Variants in RAB22A observed in about 807,000 individuals in gnomAD.
RAB22A encodes the protein RAB22A, member RAS oncogene family, also known as ras-related protein Rab-22A.
Under a neutral mutation model 30.2 loss-of-function variants are expected in RAB22A, and 13 were observed. The ratio of observed to expected loss-of-function variants is 0.43; its 90% CI spans 0.28 to 0.68. RAB22A has a LOEUF of 0.68. Ranked by LOEUF, RAB22A falls within the 30% of genes least tolerant of loss-of-function variation. The probability of loss-of-function intolerance (pLI) is 0.18; values close to 1 mark genes in which losing one functional copy is unlikely to be tolerated. For synonymous variants in RAB22A, 89 were observed against 87.2 expected, an observed-to-expected ratio of 1.02 and a Z score of -0.11; for missense variants, 177 against 246.8, an observed-to-expected ratio of 0.72 and a Z score of 1.89.
chr20:58,337,746 CTGCCTGGCTGTGG>C (rs1986783520), intron 2 of RAB22A, among the ~76,000 whole-genome samples: 2 of 152,166 alleles, frequency 1.3e-5, no homozygotes, highest in African/African-American at 4.8e-5. Flanking sequence ...TGAGGTTCGA[CTGCCTGGCTGTGG>C]ATCCTAACTG....
At chr20:58,357,754 G>T (rs540250) in intron 6 of RAB22A, among the ~76,000 whole-genome samples, 18,934 of 152,138 alleles carry the variant, frequency 0.12, 1,505 homozygotes, top group Non-Finnish European at 0.18. Flanking sequence ...GTAGTTAGAA[G>T]ACATTGGGAG....
intron 2 of RAB22A, among the ~76,000 whole-genome samples, chr20:58,324,258 G>A (rs1986514744): frequency 1.3e-5 from 2 of 151,550 alleles, no homozygotes; most frequent in African/African-American, 2.4e-5. Flanking sequence ...TAAGGTTGTT[G>A]ATACTCAGAT....
At chr20:58,351,655 A>C (rs1391711962) in intron 3 of RAB22A, among the ~76,000 whole-genome samples, 1 of 152,192 alleles carries the variant, frequency 6.6e-6, no homozygotes, top group Non-Finnish European at 1.5e-5. Context: ...CTCTACTAAA[A>C]ATACAAAATT....
In RAB22A at chr20:58,339,539, A is replaced by G. The variant is rs6026206; in HGVS notation, c.117-4179A>G. On this transcript the variant is annotated intron_variant, in intron 2 of 6. Coordinates refer to ENST00000244040, the MANE Select transcript of RAB22A (RefSeq NM_020673.3). ...AGTCCCACTGGAAGATTAGGGTCCA[A>G]TTTATGAATTTATTTCAGGGATTGA... Among the ~76,000 whole-genome samples, 750 of 152,330 alleles carry G rather than the reference A, an allele frequency of 4.9e-3. 3 individuals are homozygous for G. The highest frequency in any genetic ancestry group is 0.017 in the African/African-American group (716 of 41,570).
At chr20:58,310,065 G>A in intron 1 of RAB22A, 53 bp downstream of exon 1, 1 of 1,253,276 alleles carries the variant, frequency 8.0e-7, no homozygotes, top group Non-Finnish European at 1.0e-6. Context: ...GGCTGGCGGG[G>A]ACCCCGGATC....
chr20:58,344,188 A>C (rs1179100527), intron 3 of RAB22A, among the ~76,000 whole-genome samples: 1 of 152,222 alleles, frequency 6.6e-6, no homozygotes, highest in East Asian at 1.9e-4. Context: ...TTAAAAGCTA[A>C]AGAGGGAACT....
At chr20:58,311,347 T>C (rs749857689) in intron 2 of RAB22A, among the ~76,000 whole-genome samples, 3 of 152,196 alleles carry the variant, frequency 2.0e-5, no homozygotes, top group African/African-American at 7.2e-5. Flanking sequence ...CAAATATGAA[T>C]TGGAGTTCTA....
chr20:58,314,514 T>C (rs559416745), intron 2 of RAB22A, among the ~76,000 whole-genome samples: 1 of 152,286 alleles, frequency 6.6e-6, no homozygotes, highest in South Asian at 2.1e-4. Flanking sequence ...AGCACTGACA[T>C]TTAAATATTG....
At chr20:58,323,122 A>G (rs566370141) in intron 2 of RAB22A, among the ~76,000 whole-genome samples, 4 of 152,270 alleles carry the variant, frequency 2.6e-5, no homozygotes, top group South Asian at 4.1e-4. Context: ...TCTTTCATAT[A>G]TATTAGGATT....
chr20:58,318,169 T>A (rs1986381252), intron 2 of RAB22A, among the ~76,000 whole-genome samples: 1 of 152,254 alleles, frequency 6.6e-6, no homozygotes, highest in African/African-American at 2.4e-5. Context: ...TTTTGCCTAT[T>A]CTTTTGTAAA....
intron 6 of RAB22A, among the ~76,000 whole-genome samples, chr20:58,356,322 A>G (rs1987129458): frequency 6.6e-6 from 1 of 152,172 alleles, no homozygotes; most frequent in African/African-American, 2.4e-5. Flanking sequence ...AAAAAAAAAA[A>G]AAAAGGAAGA....
chr20:58,322,387 C>G (rs138582299), intron 2 of RAB22A, among the ~76,000 whole-genome samples: 1 of 152,240 alleles, frequency 6.6e-6, no homozygotes, highest in East Asian at 1.9e-4. Flanking sequence ...TGCTACTAGC[C>G]ACATGTTAAA....
intron 5 of RAB22A, 126 bp downstream of exon 5, chr20:58,353,664 G>GAATTT (rs1348221436): frequency 1.2e-6 from 1 of 827,374 alleles, no homozygotes. Flanking sequence ...TGGTTGTGTG[G>GAATTT]TTGGAGTCCT....
rs1987240784 is a variant in RAB22A at position 58,362,352 on chromosome 20, T to C, written c.*2649T>C. On this transcript the variant is annotated 3_prime_UTR_variant, in exon 7 of 7. Coordinates refer to ENST00000244040, the MANE Select transcript of RAB22A (RefSeq NM_020673.3). ...TTAAGCTGACTAAGCAATGATCTAA[T>C]ACACATTTCATATTTTCTTTATAAT... 6.6e-6 allele frequency: 1 copy of C among 152,246 alleles called. No individual in the cohort carries two copies. The highest frequency in any genetic ancestry group is 1.5e-5 in the Non-Finnish European group (1 of 68,042). The allele number at this position is 152,246 out of a possible 1,614,324, so 9.4% of individuals were successfully genotyped here.
At chr20:58,345,100 C>T (rs1456789056) in intron 3 of RAB22A, among the ~76,000 whole-genome samples, 2 of 152,098 alleles carry the variant, frequency 1.3e-5, no homozygotes, top group Non-Finnish European at 2.9e-5. Flanking sequence ...CTGTTAGCCA[C>T]GAATCCGTGT....
intron 2 of RAB22A, among the ~76,000 whole-genome samples, chr20:58,334,777 T>C (rs1986719064): frequency 6.6e-6 from 1 of 151,722 alleles, no homozygotes; most frequent in African/African-American, 2.4e-5. Context: ...GACCCTGTAG[T>C]CCAGTGTTGA....
chr20:58,321,981 G>C (rs1184126873), intron 2 of RAB22A, among the ~76,000 whole-genome samples: 1 of 152,004 alleles, frequency 6.6e-6, no homozygotes, highest in Non-Finnish European at 1.5e-5. Context: ...TTCATTTTTT[G>C]TAGAGCTGGG....
At chr20:58,351,788 A>G (rs1286341020) in intron 3 of RAB22A, among the ~76,000 whole-genome samples, 1 of 152,246 alleles carries the variant, frequency 6.6e-6, no homozygotes, top group Non-Finnish European at 1.5e-5. Flanking sequence ...ACTCCAGCCT[A>G]GACAACAAGA....
chr20:58,353,346 T>C lies in RAB22A; in HGVS notation c.270+2T>C. On this transcript the variant is annotated splice_donor_variant, in intron 4 of 6. Transcript: ENST00000244040. LOFTEE classifies it high-confidence loss of function. Reference sequence around the variant, plus strand: ...ATCGTTTATGATATCACAAAAGAAGTAAGACTATATAGTTTTCTTTAGATT... The same window carrying C: ...ATCGTTTATGATATCACAAAAGAAGCAAGACTATATAGTTTTCTTTAGATT... 1 of 1,613,148 alleles carries C rather than the reference T, an allele frequency of 6.2e-7. No homozygotes were observed. The highest frequency in any genetic ancestry group is 8.5e-7 in the Non-Finnish European group (1 of 1,179,156).
Sources: gnomAD v4.1 joint callset for allele counts (sites outside exome capture counted in the v4.1 genomes callset) on GRCh38, gnomAD v4.1.1 for gene constraint, MANE v1.5 for transcripts, NCBI Gene and HGNC (gene_info 2026-07-23, HGNC 2026-07-21) for gene names.